The following PRRG2 variants were observed in gnomAD, a reference collection of about 807,000 sequenced individuals.
PRRG2 encodes the protein proline rich and Gla domain 2.
Under a neutral mutation model 27.1 loss-of-function variants are expected in PRRG2, and 23 were observed. The ratio of observed to expected loss-of-function variants is 0.85; its 90% CI spans 0.61 to 1.20. PRRG2 has a LOEUF of 1.20. Among genes scored for constraint, PRRG2 ranks in the 50% most tolerant of loss-of-function variants. The probability of loss-of-function intolerance (pLI) is 0.00; values close to 1 mark genes in which losing one functional copy is unlikely to be tolerated. For synonymous variants in PRRG2, 104 were observed against 103.4 expected, an observed-to-expected ratio of 1.01 and a Z score of -0.03; for missense variants, 276 against 254.8, an observed-to-expected ratio of 1.08 and a Z score of -0.57.
Position 49,589,975 on chromosome 19 carries a change from A to ACCCCCC in PRRG2, c.518_519insCCCCCC (p.Pro172_Pro173dup). Reference sequence around the variant, plus strand: ...CGCCCCTGCCTCCACCCCCACCCCCACCCCCAGGCCTCCCCACCTATGAGC... The same window carrying ACCCCCC: ...CGCCCCTGCCTCCACCCCCACCCCCACCCCCCCCCCCAGGCCTCCCCACCTATGAGC... On this transcript the variant is annotated inframe_insertion, in exon 6 of 7. Transcript: ENST00000246794. 8.2e-7 allele frequency: 1 copy of ACCCCCC among 1,213,022 alleles called. No homozygotes were observed. The highest frequency in any genetic ancestry group is 1.1e-6 in the Non-Finnish European group (1 of 890,542). 75.1% of individuals were successfully genotyped at this position (1,213,022 alleles called of 1,614,324 possible). A position where few individuals can be genotyped will look rare whatever the true frequency, so the allele number is the denominator to read the frequency against.
chr19:49,583,765 A>G (rs993445377), intron 3 of PRRG2, 48 bp downstream of exon 3: 5 of 1,611,698 alleles, frequency 3.1e-6, no homozygotes, highest in Non-Finnish European at 2.5e-6. Context: ...TCTTCTCTAT[A>G]CCTGTGGGGA....
intron 4 of PRRG2, among the ~76,000 whole-genome samples, 186 bp downstream of exon 4, chr19:49,584,138 C>T (rs541486995): frequency 6.6e-6 from 1 of 152,110 alleles, no homozygotes; most frequent in East Asian, 1.9e-4. Context: ...GAGGAGCCCC[C>T]CACACCTTAT....
rs1321539644 is a variant in PRRG2 at position 49,583,546 on chromosome 19, C to T, written c.90C>T (p.Val30=). The part of the protein sequence containing the change: ...TSPSEETDQE[V]FLGPPEAQSF... Reference sequence around the variant, plus strand: ...CCCTCATGTCTTTGGGTCCAGAAGTCTTCCTGGGTCCCCCAGAGGCCCAGA... The same window carrying T: ...CCCTCATGTCTTTGGGTCCAGAAGTTTTCCTGGGTCCCCCAGAGGCCCAGA... The change falls in exon 3 of 7, where the codon GTC becomes GTT. Residue 30 remains valine (V), a synonymous_variant. Coordinates refer to ENST00000246794, the MANE Select transcript of PRRG2 (RefSeq NM_000951.3). 5 of 1,614,058 alleles carry T rather than the reference C, an allele frequency of 3.1e-6. No individual in the cohort carries two copies. Among genetic ancestry groups the T allele is most frequent in the Non-Finnish European group, 4.2e-6 (5 of 1,179,960 alleles).
At chr19:49,586,270 T>C (rs950236955) in intron 4 of PRRG2, among the ~76,000 whole-genome samples, 1 of 151,702 alleles carries the variant, frequency 6.6e-6, no homozygotes, top group Non-Finnish European at 1.5e-5. Context: ...TTTGTAGAGA[T>C]GGGGGTCTCA....
At chr19:49,583,479 T>C (rs753229767) in intron 2 of PRRG2, 63 bp from the exon 3 acceptor site, 1 of 1,569,156 alleles carries the variant, frequency 6.4e-7, no homozygotes, top group South Asian at 1.1e-5. Context: ...CTGCTTTCCA[T>C]CCCCCTATGA....
At chr19:49,589,813 G>C in intron 5 of PRRG2, 87 bp from the exon 6 acceptor site, 1 of 1,442,382 alleles carries the variant, frequency 6.9e-7, no homozygotes, top group East Asian at 2.3e-5. Context: ...GTCACCCTGA[G>C]TCTCCGTCTC....
At chr19:49,585,296 G>C (rs1170192676) in intron 4 of PRRG2, among the ~76,000 whole-genome samples, 1 of 152,214 alleles carries the variant, frequency 6.6e-6, no homozygotes, top group East Asian at 1.9e-4. Context: ...TTGTGGCCCG[G>C]TTGCTAGGGG....
chr19:49,586,645 G>A (rs991455086), intron 4 of PRRG2, among the ~76,000 whole-genome samples: 21 of 152,180 alleles, frequency 1.4e-4, no homozygotes, highest in Non-Finnish European at 2.8e-4. Flanking sequence ...GAGGTCAAGA[G>A]ATCGAGATCA....
chr19:49,587,410 T>C (rs1237357368), intron 4 of PRRG2, among the ~76,000 whole-genome samples: 1 of 143,944 alleles, frequency 6.9e-6, no homozygotes, highest in African/African-American at 2.6e-5. Flanking sequence ...TCTCCCCGGC[T>C]CAAGCGATCC....
At chr19:49,589,417 C>A (rs1007381179) in intron 5 of PRRG2, among the ~76,000 whole-genome samples, 1 of 148,030 alleles carries the variant, frequency 6.8e-6, no homozygotes, top group East Asian at 2.0e-4. Context: ...TGAGCCACCA[C>A]GCCTGGCCCT....
intron 4 of PRRG2, among the ~76,000 whole-genome samples, chr19:49,585,237 C>T (rs2080660470): frequency 6.6e-6 from 1 of 152,192 alleles, no homozygotes; most frequent in African/African-American, 2.4e-5. Context: ...GACCCAAGGC[C>T]TTCTGCCCAC....
upstream of PRRG2, among the ~76,000 whole-genome samples, chr19:49,581,069 G>T (rs2080618747): frequency 6.6e-6 from 1 of 152,132 alleles, no homozygotes; most frequent in African/African-American, 2.4e-5. Flanking sequence ...TATCGTTCCC[G>T]CTAGTTTCTA....
Position 49,583,934 on chromosome 19 carries a change from A to G in PRRG2, c.283A>G (p.Ile95Val). ...TLTERFWESY[I>V]YNGKGGRGRV... ...CAAGGAGCGCTTTTGGGAGAGCTAC[A>G]TCTACAATGGCAAAGGAGGTGAGTG... The change falls in exon 4 of 7, where the codon ATC becomes GTC. Residue 95 changes from isoleucine (I) to valine (V), a missense_variant. By Grantham distance (29) the Ile-to-Val change is conservative. Coordinates refer to ENST00000246794, the MANE Select transcript of PRRG2 (RefSeq NM_000951.3). The G allele has an allele frequency of 6.2e-7, 1 of 1,613,810 alleles. No individual in the cohort carries two copies. The highest frequency in any genetic ancestry group is 1.1e-5 in the South Asian group (1 of 91,032).
intron 5 of PRRG2, 150 bp from the exon 6 acceptor site, chr19:49,589,750 T>C (rs995825155): frequency 3.2e-5 from 27 of 856,842 alleles, no homozygotes; most frequent in Non-Finnish European, 4.9e-5. Context: ...AAGGCTAGGC[T>C]GAAGGTGACC....
chr19:49,584,133 G>GC (rs1382021433), intron 4 of PRRG2, among the ~76,000 whole-genome samples, 181 bp downstream of exon 4: 3 of 151,080 alleles, frequency 2.0e-5, no homozygotes, highest in Non-Finnish European at 2.9e-5. Flanking sequence ...TGCCTGAGGA[G>GC]CCCCCCACAC....
chr19:49,583,554 G>A lies in PRRG2; in HGVS notation c.98G>A (p.Gly33Asp). 6.2e-7 allele frequency: 1 copy of A among 1,614,032 alleles called. No homozygotes were observed. Among genetic ancestry groups the A allele is most frequent in the Non-Finnish European group, 8.5e-7 (1 of 1,179,972 alleles). The change falls in exon 3 of 7, where the codon GGT becomes GAT. Residue 33 changes from glycine (G) to aspartate (D), a missense_variant. Gly to Asp is a moderately conservative substitution (Grantham distance 94). Coordinates refer to ENST00000246794, the MANE Select transcript of PRRG2 (RefSeq NM_000951.3). ...SEETDQEVFL[G>D]PPEAQSFLSS... is the part of the protein sequence containing the mutation. Reference sequence around the variant, plus strand: ...TCTTTGGGTCCAGAAGTCTTCCTGGGTCCCCCAGAGGCCCAGAGCTTCCTG... The same window carrying A: ...TCTTTGGGTCCAGAAGTCTTCCTGGATCCCCCAGAGGCCCAGAGCTTCCTG...
At position 49,589,945 on chromosome 19, in the gene PRRG2, A is replaced by G. The variant is rs980967727; in HGVS notation, c.483A>G (p.Pro161=). Residue 161 remains proline, a synonymous_variant, in exon 6 of 7, where the codon CCA becomes CCG. Transcript: ENST00000246794. ...SPLSPLNPLG[P]PTPLPPPPPP... is the part of the protein sequence containing the mutation. Reference sequence around the variant, plus strand: ...TGAGTCCTTTGAACCCTCTGGGCCCACCGACGCCCCTGCCTCCACCCCCAC... The same window carrying G: ...TGAGTCCTTTGAACCCTCTGGGCCCGCCGACGCCCCTGCCTCCACCCCCAC... 5.0e-6 allele frequency: 8 copies of G among 1,609,082 alleles called. No homozygotes were observed. In the Admixed American group the frequency reaches 6.7e-5, roughly 13 times the overall value.
chr19:49,588,702 G>C, intron 5 of PRRG2, 70 bp downstream of exon 5: 1 of 1,461,256 alleles, frequency 6.8e-7, no homozygotes, highest in Non-Finnish European at 9.0e-7. Flanking sequence ...GACCTAAAGG[G>C]ATGTGCTAAG....
chr19:49,590,060 G>GT lies in PRRG2; in HGVS notation c.590+8_590+9insT, dbSNP rs1568418643. On this transcript the variant is annotated intron_variant, in intron 6 of 6. Coordinates refer to ENST00000246794, the MANE Select transcript of PRRG2 (RefSeq NM_000951.3). ...TCCACCCCCCTACACCAGGTATGGG[G>GT]CGTGGCTTCTGCCCGGGGGCGGGGC... 6.7e-7 allele frequency: 1 copy of GT among 1,494,668 alleles called. No individual in the cohort carries two copies. Among genetic ancestry groups the GT allele is most frequent in the Admixed American group, 2.3e-5 (1 of 44,276 alleles). The allele number at this position is 1,494,668 out of a possible 1,614,324, so 92.6% of individuals were successfully genotyped here.
Sources: gnomAD v4.1 joint callset for allele counts (sites outside exome capture counted in the v4.1 genomes callset) on GRCh38, gnomAD v4.1.1 for gene constraint, MANE v1.5 for transcripts, NCBI Gene and HGNC (gene_info 2026-07-23, HGNC 2026-07-21) for gene names.